SLC25A21: variants seen among roughly 807,000 people sequenced by gnomAD.
SLC25A21 encodes the protein solute carrier family 25 member 21, also known as mitochondrial 2-oxodicarboxylate carrier.
A neutral mutation model predicts 43.8 loss-of-function variants in SLC25A21; 47 were observed. The observed-to-expected ratio is 1.07, with a 90% CI of 0.85 to 1.37. The LOEUF is 1.37. SLC25A21 is among the 40% of genes most tolerant of loss of function. The pLI is 0.00. For missense variants in SLC25A21, 352 were observed against 350.2 expected (o/e 1.00, Z -0.04); for synonymous variants, 131 against 121.3 (o/e 1.08, Z -0.52).
At chr14:36,685,175 TAAAG>T (rs1029588664) in intron 7 of SLC25A21, among the ~76,000 whole-genome samples, 17 of 152,340 alleles carry the variant, frequency 1.1e-4, no homozygotes, top group Non-Finnish European at 2.1e-4. Flanking sequence ...ACACAGTTCA[TAAAG>T]AAAGACTGGT....
intron 2 of SLC25A21, among the ~76,000 whole-genome samples, chr14:36,841,136 G>A (rs570777425): frequency 6.6e-6 from 1 of 152,184 alleles, no homozygotes; most frequent in South Asian, 2.1e-4. Context: ...CATGCCCTTA[G>A]TTTGTCGATT....
intron 1 of SLC25A21, among the ~76,000 whole-genome samples, chr14:36,948,477 AAAT>A (rs1157556314): frequency 3.3e-5 from 5 of 152,208 alleles, no homozygotes; most frequent in African/African-American, 9.6e-5. Flanking sequence ...GAACAGATAA[AAAT>A]AATAATAAAG....
chr14:36,795,061 C>T (rs143553254), intron 3 of SLC25A21, among the ~76,000 whole-genome samples: 1 of 152,078 alleles, frequency 6.6e-6, no homozygotes, highest in East Asian at 1.9e-4. Context: ...GAGGGAATTC[C>T]CAGACCACCC....
chr14:37,052,393 C>T (rs1961727859), intron 1 of SLC25A21, among the ~76,000 whole-genome samples: 1 of 152,080 alleles, frequency 6.6e-6, no homozygotes. Flanking sequence ...CCAGCTGGAC[C>T]CCACTGACTC....
At chr14:36,716,975 C>T (rs1884167947) in intron 6 of SLC25A21, among the ~76,000 whole-genome samples, 1 of 152,148 alleles carries the variant, frequency 6.6e-6, no homozygotes, top group Non-Finnish European at 1.5e-5. Flanking sequence ...GGGTGTTGTA[C>T]CGGATTTCAT....
intron 1 of SLC25A21, among the ~76,000 whole-genome samples, chr14:37,040,860 G>A (rs1383190126): frequency 6.6e-6 from 1 of 151,744 alleles, no homozygotes; most frequent in Non-Finnish European, 1.5e-5. Flanking sequence ...TTCCATGTTT[G>A]AGGCTTGAGC....
At chr14:36,744,732 G>A (rs929844694) in intron 3 of SLC25A21, among the ~76,000 whole-genome samples, 1 of 129,920 alleles carries the variant, frequency 7.7e-6, no homozygotes, top group Non-Finnish European at 1.6e-5. Context: ...CAGAATGAGG[G>A]AAAATATTTG....
intron 1 of SLC25A21, among the ~76,000 whole-genome samples, chr14:37,038,416 G>A (rs74613283): frequency 6.6e-6 from 1 of 152,036 alleles, no homozygotes; most frequent in Non-Finnish European, 1.5e-5. Flanking sequence ...CCAAACTCAG[G>A]TTATTATTTG....
intron 1 of SLC25A21, among the ~76,000 whole-genome samples, chr14:36,927,074 A>T (rs1297363945): frequency 1.3e-5 from 2 of 152,096 alleles, no homozygotes; most frequent in African/African-American, 4.8e-5. Context: ...GGAGGCTGAG[A>T]CACAAGAGTC....
chr14:37,022,135 C>T (rs1228564107), intron 1 of SLC25A21, among the ~76,000 whole-genome samples: 1 of 151,592 alleles, frequency 6.6e-6, no homozygotes, highest in East Asian at 1.9e-4. Context: ...TGATGACATA[C>T]ATGAAATTTG....
At chr14:36,875,338 A>T (rs937169591) in intron 1 of SLC25A21, among the ~76,000 whole-genome samples, 1 of 152,166 alleles carries the variant, frequency 6.6e-6, no homozygotes, top group African/African-American at 2.4e-5. Context: ...TAATAAGGAT[A>T]TGTGGAAGGA....
At chr14:36,834,992 T>C (rs971162177) in intron 2 of SLC25A21, among the ~76,000 whole-genome samples, 3 of 152,350 alleles carry the variant, frequency 2.0e-5, no homozygotes, top group Non-Finnish European at 2.9e-5. Context: ...TTTGTTCTTA[T>C]AGATTTGTCC....
At chr14:37,156,158 CAAAAAA>C (rs61052100) in intron 1 of SLC25A21, among the ~76,000 whole-genome samples, 1 of 103,814 alleles carries the variant, frequency 9.6e-6, no homozygotes, top group African/African-American at 3.3e-5. Context: ...GACTCCATCT[CAAAAAA>C]AAAAAAAAAA....
At chr14:37,097,268 T>C (rs1278167276) in intron 1 of SLC25A21, 2 of 152,084 alleles carry the variant, frequency 1.3e-5, no homozygotes, top group Middle Eastern at 6.8e-3. Flanking sequence ...ACCCAGCTAA[T>C]TTTTGTATTT....
At chr14:36,748,016 C>T (rs1165694784) in intron 3 of SLC25A21, among the ~76,000 whole-genome samples, 1 of 152,134 alleles carries the variant, frequency 6.6e-6, no homozygotes, top group Non-Finnish European at 1.5e-5. Context: ...ATTATTATCC[C>T]ATTCAATTTT....
At chr14:37,043,919 T>TTA (rs1375368010) in intron 1 of SLC25A21, among the ~76,000 whole-genome samples, 1 of 145,286 alleles carries the variant, frequency 6.9e-6, no homozygotes, top group African/African-American at 2.7e-5. Flanking sequence ...GTTTTTTGTT[T>TTA]TGTTTGTTTT....
At chr14:37,025,516 C>T (rs146277497) in intron 1 of SLC25A21, among the ~76,000 whole-genome samples, 2 of 152,202 alleles carry the variant, frequency 1.3e-5, no homozygotes, top group Admixed American at 6.5e-5. Context: ...AATTTGTGTT[C>T]GGATTCAGTT....
intron 1 of SLC25A21, among the ~76,000 whole-genome samples, chr14:37,008,295 G>C (rs1322441380): frequency 6.6e-6 from 1 of 152,122 alleles, no homozygotes; most frequent in African/African-American, 2.4e-5. Context: ...TCCACAACAA[G>C]CGTTCATTCT....
intron 1 of SLC25A21, among the ~76,000 whole-genome samples, chr14:37,026,615 A>G (rs1961098195): frequency 6.6e-6 from 1 of 152,208 alleles, no homozygotes; most frequent in Non-Finnish European, 1.5e-5. Flanking sequence ...TCCCATACTC[A>G]AGTAAGTTTG....
Sources: gnomAD v4.1 joint callset for allele counts (sites outside exome capture counted in the v4.1 genomes callset) on GRCh38, gnomAD v4.1.1 for gene constraint, MANE v1.5 for transcripts, NCBI Gene and HGNC (gene_info 2026-07-23, HGNC 2026-07-21) for gene names.